Variants in IMMP2L observed in about 807,000 individuals in gnomAD.
The protein encoded by IMMP2L is inner mitochondrial membrane peptidase subunit 2.
A neutral mutation model predicts 19.3 loss-of-function variants in IMMP2L; 18 were observed. That is an observed-to-expected ratio of 0.93 (90% CI 0.64 to 1.38). The LOEUF is 1.38. IMMP2L is among the 40% of genes most tolerant of loss of function. IMMP2L has a pLI of 0.00. For synonymous variants in IMMP2L, 76 were observed against 73.0 expected (o/e 1.04, Z -0.21); for missense variants, 233 against 218.2 (o/e 1.07, Z -0.43).
At chr7:111,177,217 T>A (rs1166182297) in intron 3 of IMMP2L, among the ~76,000 whole-genome samples, 1 of 152,130 alleles carries the variant, frequency 6.6e-6, no homozygotes, top group Non-Finnish European at 1.5e-5. Context: ...TCTTGCTCTG[T>A]CATCGAGGCT....
chr7:111,523,715 A>T (rs1846570588), intron 1 of IMMP2L, among the ~76,000 whole-genome samples: 1 of 152,134 alleles, frequency 6.6e-6, no homozygotes, highest in East Asian at 1.9e-4. Flanking sequence ...GTTTTCATTC[A>T]AACTCATCTA....
chr7:111,466,876 ATAAT>A (rs1291192075), intron 3 of IMMP2L, among the ~76,000 whole-genome samples: 1 of 152,148 alleles, frequency 6.6e-6, no homozygotes, highest in Non-Finnish European at 1.5e-5. Flanking sequence ...TAATCTGGAG[ATAAT>A]TTAAAGTATA....
At chr7:110,765,486 T>C (rs1798603046) in intron 5 of IMMP2L, among the ~76,000 whole-genome samples, 2 of 152,124 alleles carry the variant, frequency 1.3e-5, no homozygotes, top group Non-Finnish European at 2.9e-5. Flanking sequence ...GAATCATCAA[T>C]GTTTTCAAAA....
intron 4 of IMMP2L, among the ~76,000 whole-genome samples, chr7:110,961,530 C>A (rs1818939173): frequency 6.6e-6 from 1 of 150,978 alleles, no homozygotes; most frequent in Admixed American, 6.6e-5. Flanking sequence ...ATACAGAACC[C>A]ATGGATACAG....
At chr7:110,931,067 G>T (rs1006082400) in intron 4 of IMMP2L, among the ~76,000 whole-genome samples, 1 of 152,120 alleles carries the variant, frequency 6.6e-6, no homozygotes, top group Admixed American at 6.6e-5. Context: ...GAGTTATAAT[G>T]GCCCTGACAA....
At chr7:111,496,015 C>A (rs983532307) in intron 2 of IMMP2L, among the ~76,000 whole-genome samples, 9 of 152,094 alleles carry the variant, frequency 5.9e-5, no homozygotes, top group Admixed American at 3.9e-4. Context: ...TCTGTGGAGG[C>A]GGGGGCAATA....
At chr7:111,515,943 T>C (rs929861105) in intron 2 of IMMP2L, among the ~76,000 whole-genome samples, 4 of 152,062 alleles carry the variant, frequency 2.6e-5, no homozygotes, top group Non-Finnish European at 4.4e-5. Context: ...TGAGAAGGAA[T>C]AGTATAAACA....
intron 2 of IMMP2L, among the ~76,000 whole-genome samples, chr7:111,519,735 T>C (rs1043733295): frequency 1.3e-5 from 2 of 152,030 alleles, no homozygotes; most frequent in Non-Finnish European, 2.9e-5. Context: ...GCTAAAAATA[T>C]GAAGATTGGG....
intron 3 of IMMP2L, among the ~76,000 whole-genome samples, chr7:111,050,094 T>C (rs1353526119): frequency 2.0e-5 from 3 of 152,204 alleles, no homozygotes; most frequent in Non-Finnish European, 4.4e-5. Context: ...GGAATAGTGC[T>C]AGTAAAGTAA....
At chr7:111,249,548 C>G (rs554460046) in intron 3 of IMMP2L, among the ~76,000 whole-genome samples, 163 of 152,270 alleles carry the variant, frequency 1.1e-3, no homozygotes, top group African/African-American at 3.9e-3. Context: ...TCCTCCCCCT[C>G]TTGTTGCTTT....
intron 4 of IMMP2L, among the ~76,000 whole-genome samples, chr7:110,897,560 C>G (rs1028664390): frequency 6.6e-6 from 1 of 152,122 alleles, no homozygotes; most frequent in Non-Finnish European, 1.5e-5. Context: ...TTTAAAAATT[C>G]ATTTGCCTTA....
In IMMP2L at chr7:111,468,006, G is replaced by A. The variant is rs1010686562; in HGVS notation, c.239+19232C>T. 5.3e-5 allele frequency among the ~76,000 whole-genome samples: 8 copies of A among 152,050 alleles called. No individual in the cohort carries two copies. The South Asian group carries it at 1.2e-3, about 24-fold the overall frequency. The stretch of plus-strand genomic sequence containing the variant: ...TAACATCTCATCTCATCTCAAATAC[G>A]CTAGGAGAATAAAGAGGCCAGGAAA... On this transcript the variant is annotated intron_variant, in intron 3 of 5. Transcript: ENST00000405709.
intron 3 of IMMP2L, among the ~76,000 whole-genome samples, chr7:111,394,316 A>G (rs1020864995): frequency 6.6e-6 from 1 of 152,168 alleles, no homozygotes; most frequent in African/African-American, 2.4e-5. Flanking sequence ...TTAGCATTAA[A>G]TGTAGTATAA....
chr7:111,079,007 T>A (rs1241608721), intron 3 of IMMP2L, among the ~76,000 whole-genome samples: 2 of 151,988 alleles, frequency 1.3e-5, no homozygotes, highest in African/African-American at 4.8e-5. Flanking sequence ...TGGGATTACA[T>A]TGTGGTATTT....
intron 3 of IMMP2L, among the ~76,000 whole-genome samples, chr7:111,441,861 G>A (rs115760113): frequency 0.059 from 8,998 of 151,694 alleles, 363 homozygotes; most frequent in Middle Eastern, 0.095. Flanking sequence ...CAAGTAGTCC[G>A]GGCACTGTGG....
intron 3 of IMMP2L, among the ~76,000 whole-genome samples, chr7:111,167,975 T>C (rs375849044): frequency 6.6e-6 from 1 of 151,990 alleles, no homozygotes; most frequent in Non-Finnish European, 1.5e-5. Context: ...TGTTTTGTTG[T>C]TGGTGTTGTT....
chr7:111,283,642 T>C lies in IMMP2L; in HGVS notation c.239+203596A>G, dbSNP rs142768993. 5.2e-3 allele frequency among the ~76,000 whole-genome samples: 795 copies of C among 152,258 alleles called. 1 individual carries two copies. Among genetic ancestry groups the C allele is most frequent in the Non-Finnish European group, 8.2e-3 (558 of 68,026 alleles). Reference sequence around the variant, plus strand: ...ACACTACTCCAAGGGGCCTGGGCTTTACTTTGGGTAACAAGACATCATTAA... The same window carrying C: ...ACACTACTCCAAGGGGCCTGGGCTTCACTTTGGGTAACAAGACATCATTAA... On this transcript the variant is annotated intron_variant, in intron 3 of 5. Coordinates refer to ENST00000405709, the MANE Select transcript of IMMP2L (RefSeq NM_032549.4).
At position 110,909,926 on chromosome 7, in the gene IMMP2L, C is replaced by CAGAGAG. The variant is rs139251144; in HGVS notation, c.306-23237_306-23232dup. Among the ~76,000 whole-genome samples the CAGAGAG allele has an allele frequency of 9.7e-4, 142 of 145,824 alleles. 1 individual carries two copies. Among genetic ancestry groups the CAGAGAG allele is most frequent in the African/African-American group, 2.3e-3 (92 of 39,802 alleles). ...AGAGAGAAAGAGAGAGAGAGATAGA[C>CAGAGAG]AGAGAGAGAGAGAGAGAGAGAGAGA... is the stretch of plus-strand genomic sequence containing the variant. On this transcript the variant is annotated intron_variant, in intron 4 of 5. Coordinates refer to ENST00000405709, the MANE Select transcript of IMMP2L (RefSeq NM_032549.4).
chr7:110,714,022 C>T (rs1197664785), intron 5 of IMMP2L, among the ~76,000 whole-genome samples: 3 of 152,078 alleles, frequency 2.0e-5, no homozygotes, highest in Admixed American at 6.5e-5. Context: ...AAGGGGAATG[C>T]CTCCTGTTTT....
Sources: allele counts gnomAD v4.1 joint callset (sites outside exome capture counted in the v4.1 genomes callset), GRCh38; gene constraint gnomAD v4.1.1; transcripts MANE v1.5; gene names NCBI Gene and HGNC (gene_info 2026-07-23, HGNC 2026-07-21).